CNST: variants seen among roughly 807,000 people sequenced by gnomAD.
CNST encodes consortin.
CNST carries 39 observed loss-of-function variants against 72.4 expected under a neutral mutation model. The ratio of observed to expected loss-of-function variants is 0.54; its 90% CI spans 0.42 to 0.70. The LOEUF is 0.70. Among genes scored for constraint, CNST ranks in the 30% least tolerant of loss-of-function variants. The pLI, the probability that CNST is intolerant of heterozygous loss-of-function variation, is 0.00. For missense variants in CNST, 871 were observed against 868.5 expected (o/e 1.00, Z -0.04); for synonymous variants, 332 against 320.1 (o/e 1.04, Z -0.40).
chr1:246,641,360 A>G (rs1007254299), intron 6 of CNST, among the ~76,000 whole-genome samples: 3 of 152,226 alleles, frequency 2.0e-5, no homozygotes, highest in Non-Finnish European at 4.4e-5. Context: ...ATCTGTTTCC[A>G]TGGAGAATTC....
At chr1:246,643,244 C>G (rs1265040477) in intron 8 of CNST, among the ~76,000 whole-genome samples, 3 of 152,132 alleles carry the variant, frequency 2.0e-5, no homozygotes, top group African/African-American at 7.2e-5. Flanking sequence ...CTTACTTTAT[C>G]TCCTTTTCAC....
chr1:246,642,322 CAG>C (rs1665771516), intron 8 of CNST, among the ~76,000 whole-genome samples: 1 of 151,846 alleles, frequency 6.6e-6, no homozygotes, highest in African/African-American at 2.4e-5. Flanking sequence ...ATATATCTAA[CAG>C]AATAAGAAAA....
chr1:246,618,251 G>GT (rs1171172117), intron 2 of CNST, among the ~76,000 whole-genome samples: 1 of 152,122 alleles, frequency 6.6e-6, no homozygotes, highest in African/African-American at 2.4e-5. Flanking sequence ...CAATCTCTTC[G>GT]TTTTAGGTAA....
chr1:246,664,486 G>A (rs1226926625), intron 10 of CNST, among the ~76,000 whole-genome samples: 1 of 151,858 alleles, frequency 6.6e-6, no homozygotes. Context: ...GAGTGCAGTG[G>A]TGTGATCTCA....
In CNST at chr1:246,647,612, T is replaced by C. The variant is rs1406687531; in HGVS notation, c.1411T>C (p.Leu471=). 3 of 1,614,130 alleles carry C rather than the reference T, an allele frequency of 1.9e-6. No individual in the cohort carries two copies. The highest frequency in any genetic ancestry group is 1.7e-6 in the Non-Finnish European group (2 of 1,180,026). Residue 471 remains leucine (L), a synonymous_variant, in exon 9 of 11, where the codon TTG becomes CTG. Transcript: ENST00000366513. ...GCCACTTCGGGATGCTTCTGAGGCG[T>C]TGCCCACAGACCAACTTGAGAACAA... ...RLPLRDASEA[L]PTDQLENNEL...
chr1:246,606,062 A>G (rs1250347858), intron 2 of CNST: 2 of 152,236 alleles, frequency 1.3e-5, no homozygotes, highest in Non-Finnish European at 2.9e-5. Context: ...CAGGTGTGAC[A>G]TAGGGGGTGG....
chr1:246,634,224 A>G, intron 5 of CNST: 1 of 554,806 alleles, frequency 1.8e-6, no homozygotes, highest in Non-Finnish European at 3.2e-6. Flanking sequence ...CAATGCCAAG[A>G]AAAGAATACT....
At chr1:246,648,576 T>A (rs1666265027) in intron 9 of CNST, among the ~76,000 whole-genome samples, 1 of 152,182 alleles carries the variant, frequency 6.6e-6, no homozygotes, top group Non-Finnish European at 1.5e-5. Context: ...CCATTTTTCA[T>A]TGTTTGATAA....
At chr1:246,608,910 G>A (rs1663112166) in intron 2 of CNST, among the ~76,000 whole-genome samples, 2 of 152,212 alleles carry the variant, frequency 1.3e-5, no homozygotes, top group African/African-American at 4.8e-5. Context: ...CTGGATGTAC[G>A]TTGTACGTCA....
intron 9 of CNST, among the ~76,000 whole-genome samples, chr1:246,656,010 C>T (rs1368002373): frequency 6.6e-6 from 1 of 152,232 alleles, no homozygotes; most frequent in Non-Finnish European, 1.5e-5. Flanking sequence ...GTAAATTTGA[C>T]ATGTGCCACT....
intron 1 of CNST, among the ~76,000 whole-genome samples, chr1:246,585,658 A>ATATAT (rs1305702716): frequency 1.2e-5 from 1 of 80,316 alleles, no homozygotes; most frequent in African/African-American, 5.8e-5. Flanking sequence ...AAAAAAAAAA[A>ATATAT]AAAAATATAC....
chr1:246,647,214 G>A lies in CNST; in HGVS notation c.1013G>A (p.Cys338Tyr), dbSNP rs1421661361. 1.2e-6 allele frequency: 2 copies of A among 1,614,044 alleles called. No homozygotes were observed. The highest frequency in any genetic ancestry group is 3.3e-5 in the Admixed American group (2 of 60,006). The change falls in exon 9 of 11, where the codon TGC becomes TAC. Residue 338 changes from cysteine to tyrosine, a missense_variant. Physicochemically the swap from Cys to Tyr is radical, Grantham distance 194. Coordinates refer to ENST00000366513, the MANE Select transcript of CNST (RefSeq NM_152609.3). The stretch of plus-strand genomic sequence containing the variant: ...GTGGAGCCCCTGGGGAGCAGTCCCT[G>A]CTGTCATCAGATGGACGTGCAAACA... ...HTVEPLGSSP[C>Y]CHQMDVQTDS...
chr1:246,626,651 T>TTCA (rs1165486237), intron 3 of CNST, among the ~76,000 whole-genome samples: 3 of 151,864 alleles, frequency 2.0e-5, no homozygotes, highest in Admixed American at 6.6e-5. Flanking sequence ...GAGACGGGGT[T>TTCA]TCATCATGTT....
intron 2 of CNST, among the ~76,000 whole-genome samples, chr1:246,593,605 G>A (rs888233536): frequency 6.6e-5 from 10 of 152,134 alleles, no homozygotes; most frequent in African/African-American, 2.4e-4. Context: ...GCCTCCCAAA[G>A]TGCTGGGATT....
At chr1:246,647,065 A>G in intron 8 of CNST, 74 bp from the exon 9 acceptor site, 2 of 1,322,490 alleles carry the variant, frequency 1.5e-6, no homozygotes, top group South Asian at 1.4e-5. Flanking sequence ...ACACATATTC[A>G]TATGTCCCTT....
At chr1:246,594,639 T>C (rs1477759578) in intron 2 of CNST, among the ~76,000 whole-genome samples, 1 of 151,984 alleles carries the variant, frequency 6.6e-6, no homozygotes, top group African/African-American at 2.4e-5. Context: ...CCTGGTGGCA[T>C]GCACCTGTAG....
At chr1:246,632,418 G>T in intron 4 of CNST, 1 of 211,800 alleles carries the variant, frequency 4.7e-6, no homozygotes, top group Non-Finnish European at 9.6e-6. Context: ...CTTCCCCTTG[G>T]ATAATGCAGT....
At chr1:246,597,032 A>G (rs866720359) in intron 2 of CNST, among the ~76,000 whole-genome samples, 2 of 152,182 alleles carry the variant, frequency 1.3e-5, no homozygotes, top group East Asian at 1.9e-4. Flanking sequence ...AAGTTTTTGT[A>G]GAGACATGTG....
intron 2 of CNST, among the ~76,000 whole-genome samples, chr1:246,602,654 T>C (rs967717618): frequency 3.3e-5 from 5 of 152,160 alleles, no homozygotes; most frequent in Non-Finnish European, 7.3e-5. Flanking sequence ...GTCCAACTTG[T>C]ACTTATGGGA....
Sources: gnomAD v4.1 joint callset for allele counts (sites outside exome capture counted in the v4.1 genomes callset) on GRCh38, gnomAD v4.1.1 for gene constraint, MANE v1.5 for transcripts, NCBI Gene and HGNC (gene_info 2026-07-23, HGNC 2026-07-21) for gene names.